The following DTD1 variants were observed in gnomAD, a reference collection of about 807,000 sequenced individuals.
DTD1 encodes the protein D-tyrosyl-tRNA deacylase 1 homolog.
DTD1 carries 13 observed loss-of-function variants against 25.6 expected under a neutral mutation model. The observed-to-expected ratio is 0.51, with a 90% CI of 0.33 to 0.81. DTD1 has a LOEUF of 0.81. Among genes scored for constraint, DTD1 ranks in the 30% least tolerant of loss-of-function variants. The probability of loss-of-function intolerance (pLI) is 0.02; values close to 1 mark genes in which losing one functional copy is unlikely to be tolerated. For missense variants in DTD1, 193 were observed against 266.4 expected, an observed-to-expected ratio of 0.72 and a Z score of 1.92; for synonymous variants, 110 against 103.6, an observed-to-expected ratio of 1.06 and a Z score of -0.37.
At chr20:18,700,566 T>C (rs2061100678) in intron 4 of DTD1, among the ~76,000 whole-genome samples, 1 of 152,124 alleles carries the variant, frequency 6.6e-6, no homozygotes, top group African/African-American at 2.4e-5. Flanking sequence ...TTTTTTGTTA[T>C]GTGGATGAAT....
At chr20:18,737,555 G>T (rs184537548) in intron 4 of DTD1, among the ~76,000 whole-genome samples, 5 of 152,288 alleles carry the variant, frequency 3.3e-5, no homozygotes, top group Admixed American at 6.5e-5. Context: ...CAGCAGGTGG[G>T]CCCGGGTCAG....
At chr20:18,621,168 C>G in intron 3 of DTD1, among the ~76,000 whole-genome samples, 1 of 152,132 alleles carries the variant, frequency 6.6e-6, no homozygotes. Flanking sequence ...GTGGTGATTA[C>G]CTTGTCTTTC....
chr20:18,761,064 G>A (rs2061360431), intron 5 of DTD1, among the ~76,000 whole-genome samples: 1 of 152,180 alleles, frequency 6.6e-6, no homozygotes. Context: ...CTGGTGTGCC[G>A]TTTGCTAAGA....
chr20:18,651,184 C>CT (rs1233073509), intron 4 of DTD1, among the ~76,000 whole-genome samples: 5 of 152,216 alleles, frequency 3.3e-5, no homozygotes, highest in African/African-American at 9.7e-5. Context: ...TGGAGTCTCA[C>CT]TCTGTTATGC....
chr20:18,754,793 TAGAG>T (rs1388214676), intron 5 of DTD1, among the ~76,000 whole-genome samples: 2 of 152,180 alleles, frequency 1.3e-5, no homozygotes, highest in African/African-American at 2.4e-5. Context: ...AGACTAGAAA[TAGAG>T]AGCAACGTCT....
chr20:18,591,180 G>A (rs559037410), intron 1 of DTD1, among the ~76,000 whole-genome samples: 52 of 152,232 alleles, frequency 3.4e-4, no homozygotes, highest in Admixed American at 6.5e-4. Flanking sequence ...GTCCCTGGAG[G>A]GGGGACAAAA....
intron 4 of DTD1, among the ~76,000 whole-genome samples, chr20:18,728,444 G>GT (rs1233433548): frequency 2.6e-5 from 4 of 151,984 alleles, no homozygotes; most frequent in African/African-American, 9.7e-5. Flanking sequence ...CAGGAGTCCC[G>GT]TGGGGATCTG....
At chr20:18,685,520 G>T (rs550201376) in intron 4 of DTD1, among the ~76,000 whole-genome samples, 6 of 152,258 alleles carry the variant, frequency 3.9e-5, no homozygotes, top group Non-Finnish European at 5.9e-5. Flanking sequence ...CCTTGGGGAG[G>T]CAGGAGTGAC....
intron 4 of DTD1, among the ~76,000 whole-genome samples, chr20:18,733,287 C>A (rs1254599823): frequency 6.6e-6 from 1 of 152,156 alleles, no homozygotes; most frequent in Non-Finnish European, 1.5e-5. Context: ...CTGCCCTATA[C>A]TCAGGCCTTG....
chr20:18,611,603 C>T (rs990284935), intron 3 of DTD1, among the ~76,000 whole-genome samples: 5 of 152,010 alleles, frequency 3.3e-5, no homozygotes, highest in Admixed American at 2.0e-4. Flanking sequence ...CCCTTTGTTC[C>T]TTCTCTGTGT....
chr20:18,630,046 G>A (rs777500134), intron 4 of DTD1, among the ~76,000 whole-genome samples: 1 of 151,926 alleles, frequency 6.6e-6, no homozygotes, highest in Non-Finnish European at 1.5e-5. Context: ...GACTCTTTTT[G>A]TATTGAGGAA....
intron 4 of DTD1, among the ~76,000 whole-genome samples, chr20:18,731,530 C>T (rs925242289): frequency 6.6e-6 from 1 of 152,242 alleles, no homozygotes; most frequent in African/African-American, 2.4e-5. Flanking sequence ...TCCTTGTCCT[C>T]TTATCCATAA....
At chr20:18,597,191 GTGTGTGTGTA>G (rs770743716) in intron 3 of DTD1, among the ~76,000 whole-genome samples, 2 of 95,320 alleles carry the variant, frequency 2.1e-5, no homozygotes, top group Non-Finnish European at 4.9e-5. Flanking sequence ...GTGTGTGTGT[GTGTGTGTGTA>G]TAGAGAGAAG....
chr20:18,600,086 A>C (rs2060627804), intron 3 of DTD1, among the ~76,000 whole-genome samples: 1 of 152,070 alleles, frequency 6.6e-6, no homozygotes, highest in Non-Finnish European at 1.5e-5. Flanking sequence ...AGTGCCTTTC[A>C]TGGAGAGGAA....
chr20:18,621,935 G>A (rs1422055770), intron 3 of DTD1, among the ~76,000 whole-genome samples: 2 of 151,942 alleles, frequency 1.3e-5, no homozygotes, highest in Non-Finnish European at 2.9e-5. Context: ...ATGGTGGTGG[G>A]CGCCTGTAGT....
At chr20:18,647,617 G>A (rs1442031391) in intron 4 of DTD1, among the ~76,000 whole-genome samples, 1 of 152,144 alleles carries the variant, frequency 6.6e-6, no homozygotes, top group African/African-American at 2.4e-5. Context: ...AAGCAGGTGA[G>A]TCTGATGGGG....
At chr20:18,715,953 T>C (rs145833366) in intron 4 of DTD1, among the ~76,000 whole-genome samples, 18 of 152,306 alleles carry the variant, frequency 1.2e-4, no homozygotes, top group African/African-American at 4.3e-4. Flanking sequence ...GTTTATGTCA[T>C]GTTTGAAACA....
At chr20:18,718,217 T>C (rs1031053120) in intron 4 of DTD1, among the ~76,000 whole-genome samples, 9 of 152,246 alleles carry the variant, frequency 5.9e-5, no homozygotes, top group Non-Finnish European at 8.8e-5. Context: ...TTATTTTGGA[T>C]AAAAAGCTGG....
chr20:18,652,940 A>G (rs2060879505), intron 4 of DTD1, among the ~76,000 whole-genome samples: 1 of 152,126 alleles, frequency 6.6e-6, no homozygotes, highest in South Asian at 2.1e-4. Flanking sequence ...GCACTGGGGA[A>G]TAGAGGAGAG....
Sources: gnomAD v4.1 joint callset for allele counts (sites outside exome capture counted in the v4.1 genomes callset) on GRCh38, gnomAD v4.1.1 for gene constraint, MANE v1.5 for transcripts, NCBI Gene and HGNC (gene_info 2026-07-23, HGNC 2026-07-21) for gene names.